The following VPS13D variants were observed in gnomAD, a reference collection of about 807,000 sequenced individuals.
VPS13D encodes the protein intermembrane lipid transfer protein VPS13D.
VPS13D carries 187 observed loss-of-function variants against 461.9 expected under a neutral mutation model. The observed-to-expected ratio is 0.40, with a 90% CI of 0.36 to 0.46. The LOEUF is 0.46. VPS13D is among the 20% of genes least tolerant of loss of function. The pLI is 0.60. For missense variants in VPS13D, 4,711 were observed against 5,364.9 expected (o/e 0.88, Z 3.81); for synonymous variants, 1,951 against 1,986.3 (o/e 0.98, Z 0.47).
chr1:12,299,340 T>C lies in VPS13D; in HGVS notation c.6172T>C (p.Phe2058Leu). 2 of 1,613,812 alleles carry C rather than the reference T, an allele frequency of 1.2e-6. No homozygotes were observed. The highest frequency in any genetic ancestry group is 1.1e-5 in the South Asian group (1 of 91,020). ...GGGGAAGTTGAAAGTCAAAAATAAG[T>C]TTCTGTTTGCTGGTTTTCCTGGCAC... Reference protein sequence around the residue: ...NLGKLKVKNKFLFAGFPGTFS... With the variant: ...NLGKLKVKNKLLFAGFPGTFS... Residue 2058 changes from phenylalanine to leucine, a missense_variant, in exon 25 of 70, where the codon TTT (phenylalanine) becomes CTT (leucine). Transcript: ENST00000620676. This position sits in a 1 kb window ranked among gnomAD's most constrained non-coding sequence, Gnocchi z 4.2.
chr1:12,383,110 G>A lies in VPS13D; in HGVS notation c.11325G>A (p.Met3775Ile). The A allele has an allele frequency of 6.2e-7, 1 of 1,614,144 alleles. No homozygotes were observed. Among genetic ancestry groups the A allele is most frequent in the South Asian group, 1.1e-5 (1 of 91,078 alleles). ...INQKMRPGSG[M>I]LSIRVIPDGP... is the part of the protein sequence containing the mutation. ...AAAAAATGAGACCTGGTTCTGGAATGTTATCCATCAGAGTCATCCCAGATG... is the reference window on the plus strand; with the variant it reads ...AAAAAATGAGACCTGGTTCTGGAATATTATCCATCAGAGTCATCCCAGATG... The change falls in exon 58 of 70, where the codon ATG becomes ATA. Residue 3775 changes from methionine (M) to isoleucine (I), a missense_variant. Met to Ile is a conservative substitution (Grantham distance 10, BLOSUM62 1). Coordinates refer to ENST00000620676, the MANE Select transcript of VPS13D (RefSeq NM_015378.4).
intron 20 of VPS13D, among the ~76,000 whole-genome samples, chr1:12,281,999 C>T (rs1641799134): frequency 6.6e-6 from 1 of 151,912 alleles, no homozygotes; most frequent in Non-Finnish European, 1.5e-5. Context: ...GCGGTCCTCC[C>T]ACCTCTGCCT....
rs1238547119 is a variant in VPS13D at position 12,510,884 on chromosome 1, T to G, written c.*1860T>G. The G allele has an allele frequency of 6.6e-6, 1 of 152,368 alleles. No homozygotes were observed. Among genetic ancestry groups the G allele is most frequent in the Non-Finnish European group, 1.5e-5 (1 of 68,166 alleles). The allele number at this position is 152,368 out of a possible 1,614,324, so 9.4% of individuals were successfully genotyped here. A position where few individuals can be genotyped will look rare whatever the true frequency, so the allele number is the denominator to read the frequency against. Reference sequence around the variant, plus strand: ...CCCCCACAGGTTTGGCTTGTGGTTTTTGTCATCAGTAACCTACTGCCTGAG... The same window carrying G: ...CCCCCACAGGTTTGGCTTGTGGTTTGTGTCATCAGTAACCTACTGCCTGAG... On this transcript the variant is annotated 3_prime_UTR_variant, in exon 70 of 70. Coordinates refer to ENST00000620676, the MANE Select transcript of VPS13D (RefSeq NM_015378.4).
chr1:12,476,327 T>A (rs940042548), intron 67 of VPS13D, among the ~76,000 whole-genome samples: 29 of 152,370 alleles, frequency 1.9e-4, no homozygotes, highest in African/African-American at 6.7e-4. Context: ...TTGGCCCATA[T>A]TAAAGTCTCA....
intron 24 of VPS13D, among the ~76,000 whole-genome samples, chr1:12,294,543 G>T (rs1642220605): frequency 6.6e-6 from 1 of 152,336 alleles, no homozygotes; most frequent in Admixed American, 6.5e-5. Flanking sequence ...GCCGGGTGTG[G>T]TGGCTCACGC....
At chr1:12,242,382 C>G in intron 2 of VPS13D, 131 bp from the exon 3 acceptor site, 1 of 753,942 alleles carries the variant, frequency 1.3e-6, no homozygotes, top group South Asian at 1.8e-5. Context: ...GTAAAACTTT[C>G]CTTTAACCTT....
chr1:12,291,127 A>G lies in VPS13D; in HGVS notation c.5852+3A>G. ...GCACTCATCTTCCAGACTTTTAAGTAAAAATGTCAATCTTTTTCTGACTTG... is the reference window on the plus strand; with the variant it reads ...GCACTCATCTTCCAGACTTTTAAGTGAAAATGTCAATCTTTTTCTGACTTG... On this transcript the variant is annotated splice_donor_region_variant and intron_variant, in intron 23 of 69. Transcript: ENST00000620676. The G allele has an allele frequency of 6.2e-7, 1 of 1,610,050 alleles. No homozygotes were observed. Among genetic ancestry groups the G allele is most frequent in the South Asian group, 1.1e-5 (1 of 89,854 alleles).
Position 12,318,679 on chromosome 1 carries a change from G to C in VPS13D, c.7414+342G>C, listed in dbSNP as rs1642953604. 2.6e-5 allele frequency among the ~76,000 whole-genome samples: 4 copies of C among 152,300 alleles called. No homozygotes were observed. In the South Asian group the frequency reaches 8.3e-4, roughly 32 times the overall value. ...AGGGCCCTAACAGATGTGGTTTATGGAGTTTAGGCAAGTTTCGTATGTGAA... is the reference window on the plus strand; with the variant it reads ...AGGGCCCTAACAGATGTGGTTTATGCAGTTTAGGCAAGTTTCGTATGTGAA... On this transcript the variant is annotated intron_variant, in intron 31 of 69. Coordinates refer to ENST00000620676, the MANE Select transcript of VPS13D (RefSeq NM_015378.4).
intron 65 of VPS13D, among the ~76,000 whole-genome samples, chr1:12,417,679 G>T (rs1215109768): frequency 6.6e-6 from 1 of 152,158 alleles, no homozygotes; most frequent in Non-Finnish European, 1.5e-5. Flanking sequence ...GTGGCACCGC[G>T]TAGAAATGTA....
chr1:12,368,317 C>T, intron 52 of VPS13D, 151 bp from the exon 53 acceptor site: 1 of 897,556 alleles, frequency 1.1e-6, no homozygotes, highest in South Asian at 2.3e-5. Flanking sequence ...CTACTTTTTT[C>T]AGATGATGGA....
chr1:12,392,860 C>T (rs886649836), intron 60 of VPS13D, among the ~76,000 whole-genome samples: 6 of 152,208 alleles, frequency 3.9e-5, no homozygotes, highest in Non-Finnish European at 7.3e-5. Context: ...GCTTGCACAG[C>T]AGCCTGGACC....
chr1:12,311,752 A>G (rs978044386), intron 28 of VPS13D, 61 bp from the exon 29 acceptor site: 7 of 1,589,616 alleles, frequency 4.4e-6, no homozygotes, highest in African/African-American at 2.7e-5. Flanking sequence ...TTCTTGGCGT[A>G]TGAGCCTGTT....
intron 2 of VPS13D, among the ~76,000 whole-genome samples, chr1:12,235,959 C>T (rs1052112157): frequency 3.3e-5 from 5 of 152,204 alleles, no homozygotes; most frequent in African/African-American, 4.8e-5. Context: ...GTGGCAAGAG[C>T]ATTTGCCAAA....
intron 39 of VPS13D, chr1:12,338,014 T>A (rs1466642182): frequency 6.7e-6 from 3 of 450,326 alleles, no homozygotes; most frequent in Non-Finnish European, 1.2e-5. Flanking sequence ...GCATGTTACT[T>A]TGATCCAGCC....
chr1:12,261,179 C>A (rs751105671), intron 12 of VPS13D, 30 bp downstream of exon 12: 8 of 1,610,186 alleles, frequency 5.0e-6, no homozygotes, highest in Non-Finnish European at 6.8e-6. Context: ...TCACTTGATT[C>A]AAACAAATTC....
chr1:12,258,952 C>T (rs1490655979), intron 10 of VPS13D, among the ~76,000 whole-genome samples: 1 of 152,188 alleles, frequency 6.6e-6, no homozygotes, highest in Non-Finnish European at 1.5e-5. Flanking sequence ...CTTTTATCAT[C>T]AGTGTCAGAC....
intron 47 of VPS13D, among the ~76,000 whole-genome samples, chr1:12,354,542 A>G (rs1207029177): frequency 6.6e-6 from 1 of 152,196 alleles, no homozygotes; most frequent in Non-Finnish European, 1.5e-5. Flanking sequence ...TCTTAAAAAA[A>G]AAGAACTTAT....
At chr1:12,233,883 C>T (rs1473129446) in intron 1 of VPS13D, among the ~76,000 whole-genome samples, 3 of 151,046 alleles carry the variant, frequency 2.0e-5, no homozygotes, top group Non-Finnish European at 4.4e-5. Flanking sequence ...CCCATCTCTA[C>T]TAAAAATACA....
At chr1:12,449,052 G>A (rs140152946) in intron 65 of VPS13D, among the ~76,000 whole-genome samples, 231 of 152,052 alleles carry the variant, frequency 1.5e-3, no homozygotes, top group African/African-American at 5.4e-3. Flanking sequence ...AGGAGTGTCT[G>A]TTGCCTGATA....
Sources: allele counts gnomAD v4.1 joint callset (sites outside exome capture counted in the v4.1 genomes callset), GRCh38; gene constraint gnomAD v4.1.1; non-coding constraint Gnocchi (gnomAD v3.1); transcripts MANE v1.5; gene names NCBI Gene and HGNC (gene_info 2026-07-23, HGNC 2026-07-21).